The following GALNT17 variants were observed in gnomAD, a reference collection of about 807,000 sequenced individuals.
GALNT17 encodes the protein polypeptide N-acetylgalactosaminyltransferase 17, also known as UDP-GalNAc:polypeptide N-acetylgalactosaminyltransferase-like 3.
In GALNT17, 29 loss-of-function variants were observed where a neutral mutation model predicts 63.7. The ratio of observed to expected loss-of-function variants is 0.46; its 90% CI spans 0.34 to 0.62. The LOEUF (loss-of-function observed/expected upper bound fraction) is 0.62. GALNT17 is among the 20% of genes least tolerant of loss of function. The pLI, the probability that GALNT17 is intolerant of heterozygous loss-of-function variation, is 0.01. For missense variants in GALNT17, 603 were observed against 799.6 expected (o/e 0.75, Z 2.97); for synonymous variants, 305 against 318.3 (o/e 0.96, Z 0.45).
intron 9 of GALNT17, among the ~76,000 whole-genome samples, chr7:71,689,182 C>T (rs1229006304): frequency 3.3e-5 from 5 of 152,046 alleles, no homozygotes; most frequent in African/African-American, 7.2e-5. Context: ...TCCCAATTCT[C>T]GGGCCTTTCT....
chr7:71,487,769 A>G (rs1480783174), intron 5 of GALNT17, among the ~76,000 whole-genome samples: 1 of 152,204 alleles, frequency 6.6e-6, no homozygotes, highest in African/African-American at 2.4e-5. Flanking sequence ...AATAGTAGTG[A>G]TAACAGGGTC....
intron 5 of GALNT17, among the ~76,000 whole-genome samples, chr7:71,510,561 C>T (rs186392041): frequency 5.3e-5 from 8 of 152,234 alleles, no homozygotes; most frequent in East Asian, 3.9e-4. Flanking sequence ...TGGGAGAACA[C>T]GGAATCCACC....
chr7:71,607,954 C>A (rs571586550), intron 6 of GALNT17, among the ~76,000 whole-genome samples: 1 of 152,294 alleles, frequency 6.6e-6, no homozygotes, highest in East Asian at 1.9e-4. Flanking sequence ...GCCTCACACA[C>A]AAAACTTATG....
At position 71,133,060 on chromosome 7, in the gene GALNT17, C is replaced by T. The variant is rs747944498; in HGVS notation, c.238+20C>T. ...TGAATGGTAAGGACGCACGCCGGCG[C>T]CTCCGGGGCTCGACGCGGGCGGGCC... On this transcript the variant is annotated intron_variant, in intron 1 of 10. Coordinates refer to ENST00000333538, the MANE Select transcript of GALNT17 (RefSeq NM_022479.3). 1 of 1,521,856 alleles carries T rather than the reference C, an allele frequency of 6.6e-7. No individual in the cohort carries two copies. Among genetic ancestry groups the T allele is most frequent in the Admixed American group, 2.0e-5 (1 of 49,188 alleles). The allele number at this position is 1,521,856 out of a possible 1,614,324, so 94.3% of individuals were successfully genotyped here.
intron 2 of GALNT17, among the ~76,000 whole-genome samples, chr7:71,383,347 A>G (rs1355411287): frequency 6.6e-6 from 1 of 152,198 alleles, no homozygotes. Flanking sequence ...GCACATCCTC[A>G]CATATACTTT....
intron 1 of GALNT17, among the ~76,000 whole-genome samples, chr7:71,328,975 G>C (rs186553860): frequency 6.6e-6 from 1 of 152,294 alleles, no homozygotes; most frequent in African/African-American, 2.4e-5. Flanking sequence ...TGCCCAGGGG[G>C]TTGTGCTAGG....
At chr7:71,163,742 T>G (rs1788388176) in intron 1 of GALNT17, among the ~76,000 whole-genome samples, 1 of 152,206 alleles carries the variant, frequency 6.6e-6, no homozygotes, top group African/African-American at 2.4e-5. Context: ...TGAAGGCCTC[T>G]TAGATAGAGG....
chr7:71,625,361 G>A (rs1161214478), intron 6 of GALNT17, among the ~76,000 whole-genome samples: 2 of 152,006 alleles, frequency 1.3e-5, no homozygotes, highest in Non-Finnish European at 2.9e-5. Flanking sequence ...GGCCAGGCTG[G>A]TCTCAAACTC....
intron 5 of GALNT17, among the ~76,000 whole-genome samples, chr7:71,565,493 C>T (rs1049836928): frequency 6.6e-6 from 1 of 151,984 alleles, no homozygotes; most frequent in Non-Finnish European, 1.5e-5. Context: ...CCTTCTCCAT[C>T]TTTCATCCCT....
At chr7:71,360,679 T>TC (rs1792381940) in intron 2 of GALNT17, among the ~76,000 whole-genome samples, 1 of 152,160 alleles carries the variant, frequency 6.6e-6, no homozygotes, top group African/African-American at 2.4e-5. Flanking sequence ...ATGCCTGTAA[T>TC]CCCAGTACTT....
In GALNT17 at chr7:71,377,106, ATAAAAAAAATAT is replaced by A. The variant is rs1563047488; in HGVS notation, c.423-11128_423-11117del. Reference sequence around the variant, plus strand: ...ATCTCAAAAAAAAAAAAAAATAAAAATAAAAAAAATATATATATATATATATATATATATAAA... The same window carrying A: ...ATCTCAAAAAAAAAAAAAAATAAAAAATATATATATATATATATATATAAA... On this transcript the variant is annotated intron_variant, in intron 2 of 10. Transcript: ENST00000333538. Among the ~76,000 whole-genome samples, 50 of 50,478 alleles carry A rather than the reference ATAAAAAAAATAT, an allele frequency of 9.9e-4. 2 individuals carry two copies. Among genetic ancestry groups the A allele is most frequent in the Middle Eastern group, 8.3e-3 (1 of 120 alleles). The allele number at this position is 50,478 out of a possible 152,430, so 33.1% of individuals were successfully genotyped here.
At chr7:71,499,968 T>C (rs1238010903) in intron 5 of GALNT17, among the ~76,000 whole-genome samples, 1 of 152,218 alleles carries the variant, frequency 6.6e-6, no homozygotes, top group Non-Finnish European at 1.5e-5. Context: ...TTAGCACTTC[T>C]CCTGCTATCC....
intron 2 of GALNT17, among the ~76,000 whole-genome samples, chr7:71,377,803 T>G (rs2116306453): frequency 6.6e-6 from 1 of 152,146 alleles, no homozygotes; most frequent in South Asian, 2.1e-4. Flanking sequence ...GATCTGATGG[T>G]TTTATAAGTG....
Position 71,647,229 on chromosome 7 carries a change from A to ATTTTTTT in GALNT17, c.1081-18177_1081-18171dup, listed in dbSNP as rs5884850. Among the ~76,000 whole-genome samples the ATTTTTTT allele has an allele frequency of 3.5e-4, 48 of 137,478 alleles. 1 individual carries two copies. The highest frequency in any genetic ancestry group is 1.0e-3 in the African/African-American group (32 of 32,126). The allele number at this position is 137,478 out of a possible 152,430, so 90.2% of individuals were successfully genotyped here. A position where few individuals can be genotyped will look rare whatever the true frequency, so the allele number is the denominator to read the frequency against. ...CAGGTGCCCACCACTGTGCCCAGCTATTTTTTTTTTTGTATTTTTAGTAGA... is the reference window on the plus strand; with the variant it reads ...CAGGTGCCCACCACTGTGCCCAGCTATTTTTTTTTTTTTTTTTTGTATTTTTAGTAGA... On this transcript the variant is annotated intron_variant, in intron 6 of 10. Transcript: ENST00000333538.
chr7:71,198,131 G>A (rs1328894615), intron 1 of GALNT17, among the ~76,000 whole-genome samples: 2 of 151,314 alleles, frequency 1.3e-5, no homozygotes, highest in Non-Finnish European at 2.9e-5. Context: ...CCAGGAGGCG[G>A]AGGTTGCAGT....
At position 71,511,105 on chromosome 7, in the gene GALNT17, C is replaced by A. The variant is rs537210416; in HGVS notation, c.963-60180C>A. 1.8e-4 allele frequency among the ~76,000 whole-genome samples: 28 copies of A among 152,138 alleles called. 1 individual carries two copies. In the East Asian group the frequency reaches 5.4e-3, roughly 29 times the overall value. On this transcript the variant is annotated intron_variant, in intron 5 of 10. Transcript: ENST00000333538. ...GCTGAGGCAGGAGGATCACTTGATCCCGGGAGGTCAAGGCTGCCGTGAGCC... is the reference window on the plus strand; with the variant it reads ...GCTGAGGCAGGAGGATCACTTGATCACGGGAGGTCAAGGCTGCCGTGAGCC...
intron 1 of GALNT17, among the ~76,000 whole-genome samples, chr7:71,315,131 T>G (rs1204443510): frequency 6.6e-6 from 1 of 152,180 alleles, no homozygotes; most frequent in African/African-American, 2.4e-5. Flanking sequence ...CATCTATTTG[T>G]TTTTTTGTCG....
At position 71,558,366 on chromosome 7, in the gene GALNT17, G is replaced by A. The variant is rs772945994; in HGVS notation, c.963-12919G>A. ...TACTAATGAGAACATTTGAATTTTC[G>A]TGTGTACAGGTGACATGTTGCTTTG... is the stretch of plus-strand genomic sequence containing the variant. On this transcript the variant is annotated intron_variant, in intron 5 of 10. Coordinates refer to ENST00000333538, the MANE Select transcript of GALNT17 (RefSeq NM_022479.3). Among the ~76,000 whole-genome samples the A allele has an allele frequency of 4.6e-5, 7 of 151,610 alleles. No homozygotes were observed. In the South Asian group the frequency reaches 6.3e-4, roughly 14 times the overall value.
At chr7:71,241,691 C>A (rs2116468686) in intron 1 of GALNT17, among the ~76,000 whole-genome samples, 1 of 152,000 alleles carries the variant, frequency 6.6e-6, no homozygotes, top group East Asian at 1.9e-4. Flanking sequence ...AGTTCCCAAC[C>A]AGCTTGGACA....
Sources: allele counts gnomAD v4.1 joint callset (sites outside exome capture counted in the v4.1 genomes callset), GRCh38; gene constraint gnomAD v4.1.1; transcripts MANE v1.5; gene names NCBI Gene and HGNC (gene_info 2026-07-23, HGNC 2026-07-21).